ERBB4: variants seen among roughly 807,000 people sequenced by gnomAD.
The protein encoded by ERBB4 is receptor tyrosine-protein kinase erbB-4.
ERBB4 carries 42 observed loss-of-function variants against 158.0 expected under a neutral mutation model. That is an observed-to-expected ratio of 0.27 (90% confidence interval 0.21 to 0.34). ERBB4 has a LOEUF of 0.34. ERBB4 is among the 10% of genes least tolerant of loss of function. The pLI is 1.00. For missense variants in ERBB4, 1,333 were observed against 1,624.1 expected, an observed-to-expected ratio of 0.82 and a Z score of 3.08; for synonymous variants, 583 against 558.7, an observed-to-expected ratio of 1.04 and a Z score of -0.61.
chr2:212,258,323 A>G (rs561499048), intron 1 of ERBB4, among the ~76,000 whole-genome samples: 2 of 151,958 alleles, frequency 1.3e-5, no homozygotes, highest in South Asian at 2.1e-4. Flanking sequence ...AATAATCTGA[A>G]TCTATAATGA....
chr2:211,776,464 T>A (rs1395609400), intron 4 of ERBB4, among the ~76,000 whole-genome samples: 5 of 152,156 alleles, frequency 3.3e-5, no homozygotes, highest in African/African-American at 9.7e-5. Context: ...CCTTTTAATC[T>A]GGGTGATCTA....
intron 3 of ERBB4, among the ~76,000 whole-genome samples, chr2:211,808,156 CT>C (rs1191359653): frequency 6.6e-6 from 1 of 151,974 alleles, no homozygotes; most frequent in Non-Finnish European, 1.5e-5. Flanking sequence ...CAATTTTGGC[CT>C]TTATTGCCAT....
chr2:211,737,957 T>C (rs1418454271), intron 5 of ERBB4, among the ~76,000 whole-genome samples: 1 of 152,194 alleles, frequency 6.6e-6, no homozygotes, highest in Non-Finnish European at 1.5e-5. Context: ...TTGCAATGTT[T>C]GTATTTTTTA....
chr2:211,930,041 T>C (rs537443594), intron 3 of ERBB4, among the ~76,000 whole-genome samples: 19 of 152,316 alleles, frequency 1.2e-4, no homozygotes, highest in Admixed American at 5.9e-4. Context: ...CCTGTTGACA[T>C]GTATGGATTT....
chr2:211,648,549 G>A (rs2070865593), intron 16 of ERBB4, among the ~76,000 whole-genome samples: 1 of 151,706 alleles, frequency 6.6e-6, no homozygotes, highest in African/African-American at 2.4e-5. Flanking sequence ...TAACATATAT[G>A]GAGGAGGGTT....
chr2:212,293,338 A>T (rs2086277562), intron 1 of ERBB4, among the ~76,000 whole-genome samples: 1 of 152,070 alleles, frequency 6.6e-6, no homozygotes, highest in African/African-American at 2.4e-5. Flanking sequence ...TCACAATTTA[A>T]TGTAGCATAT....
intron 20 of ERBB4, among the ~76,000 whole-genome samples, chr2:211,503,730 G>A (rs983000874): frequency 2.6e-5 from 4 of 151,896 alleles, no homozygotes; most frequent in African/African-American, 9.7e-5. Context: ...TCCAGTGGCC[G>A]ACTGCTGGGC....
chr2:211,688,873 G>A (rs2072683492), intron 12 of ERBB4, among the ~76,000 whole-genome samples: 1 of 151,420 alleles, frequency 6.6e-6, no homozygotes, highest in Admixed American at 6.6e-5. Flanking sequence ...GTGTAGATAG[G>A]ATTGACCCTA....
At chr2:211,703,879 A>C (rs1277707576) in intron 11 of ERBB4, among the ~76,000 whole-genome samples, 1 of 152,206 alleles carries the variant, frequency 6.6e-6, no homozygotes, top group Non-Finnish European at 1.5e-5. Flanking sequence ...GCAAAATACT[A>C]ATATTATTTT....
intron 20 of ERBB4, among the ~76,000 whole-genome samples, chr2:211,469,911 G>C (rs1350769647): frequency 6.6e-6 from 1 of 151,588 alleles, no homozygotes; most frequent in Non-Finnish European, 1.5e-5. Context: ...AAGTGGGCTT[G>C]GGGGGGGAGA....
At chr2:211,718,232 C>T (rs1290032235) in intron 7 of ERBB4, among the ~76,000 whole-genome samples, 2 of 152,126 alleles carry the variant, frequency 1.3e-5, no homozygotes, top group East Asian at 3.9e-4. Flanking sequence ...ATTTTTATAA[C>T]CCACATCTTA....
At chr2:211,981,853 C>T (rs2081807531) in intron 2 of ERBB4, among the ~76,000 whole-genome samples, 1 of 152,140 alleles carries the variant, frequency 6.6e-6, no homozygotes, top group African/African-American at 2.4e-5. Flanking sequence ...TGAATTTCTA[C>T]TTTGTAACAC....
At chr2:212,065,230 C>T (rs2077907569) in intron 2 of ERBB4, among the ~76,000 whole-genome samples, 1 of 151,922 alleles carries the variant, frequency 6.6e-6, no homozygotes, top group African/African-American at 2.4e-5. Context: ...AGTTAGTTTG[C>T]CGCTAATTAC....
chr2:211,443,073 C>A (rs1198593126), intron 20 of ERBB4, among the ~76,000 whole-genome samples: 1 of 151,992 alleles, frequency 6.6e-6, no homozygotes, highest in East Asian at 1.9e-4. Flanking sequence ...ACTCCTTACT[C>A]ATCCTTACTC....
At chr2:212,524,750 T>C (rs73989047) in intron 1 of ERBB4, among the ~76,000 whole-genome samples, 3,566 of 152,088 alleles carry the variant, frequency 0.023, 142 homozygotes, top group African/African-American at 0.081. Context: ...CTCAGAAAAA[T>C]GCATTTCTCG....
chr2:212,091,288 T>C (rs1175021937), intron 2 of ERBB4, among the ~76,000 whole-genome samples: 2 of 152,134 alleles, frequency 1.3e-5, no homozygotes, highest in Non-Finnish European at 1.5e-5. Flanking sequence ...TATAGATTTA[T>C]AGCTTATTTA....
rs540898670 is a variant in ERBB4 at position 212,440,011 on chromosome 2, C to A, written c.82+98438G>T. ...AGGATATAATAATGAGTTTGCAACT[C>A]AAAATCTGAAAGTTCAAAGGAGGAT... On this transcript the variant is annotated intron_variant, in intron 1 of 27. Coordinates refer to ENST00000342788, the MANE Select transcript of ERBB4 (RefSeq NM_005235.3). 9.9e-5 allele frequency among the ~76,000 whole-genome samples: 15 copies of A among 152,214 alleles called. 1 individual carries two copies. Among genetic ancestry groups the A allele is most frequent in the Admixed American group, 9.2e-4 (14 of 15,272 alleles).
chr2:211,923,808 C>T (rs1480271266), intron 3 of ERBB4, among the ~76,000 whole-genome samples: 1 of 152,040 alleles, frequency 6.6e-6, no homozygotes, highest in African/African-American at 2.4e-5. Context: ...CTGTAACCTC[C>T]ACCTCCTGGG....
At chr2:212,392,406 A>G (rs73987395) in intron 1 of ERBB4, among the ~76,000 whole-genome samples, 2 of 152,166 alleles carry the variant, frequency 1.3e-5, no homozygotes, top group East Asian at 1.9e-4. Flanking sequence ...ATTTAAGAAA[A>G]GGCATACAAG....
Sources: gnomAD v4.1 joint callset for allele counts (sites outside exome capture counted in the v4.1 genomes callset) on GRCh38, gnomAD v4.1.1 for gene constraint, MANE v1.5 for transcripts, NCBI Gene and HGNC (gene_info 2026-07-23, HGNC 2026-07-21) for gene names.